Variants in XRRA1 observed in about 807,000 individuals in gnomAD.
The protein encoded by XRRA1 is X-ray radiation resistance associated 1.
Under a neutral mutation model 80.2 loss-of-function variants are expected in XRRA1, and 69 were observed. That is an observed-to-expected ratio of 0.86 (90% CI 0.71 to 1.05). XRRA1 has a LOEUF of 1.05. XRRA1 is among the 50% of genes least tolerant of loss of function. The pLI is 0.00. For missense variants in XRRA1, 967 were observed against 976.4 expected (o/e 0.99, Z 0.13); for synonymous variants, 348 against 389.9 (o/e 0.89, Z 1.27).
At chr11:74,850,234 C>T (rs983174611) in intron 14 of XRRA1, among the ~76,000 whole-genome samples, 6 of 152,158 alleles carry the variant, frequency 3.9e-5, no homozygotes, top group African/African-American at 1.2e-4. Flanking sequence ...ATAGCATACA[C>T]GTAAGAGCTC....
intron 10 of XRRA1, among the ~76,000 whole-genome samples, chr11:74,881,324 T>G (rs1362451162): frequency 6.6e-6 from 1 of 151,664 alleles, no homozygotes; most frequent in Non-Finnish European, 1.5e-5. Flanking sequence ...TGGTAGATCT[T>G]CCTCCATCCT....
At position 74,843,787 on chromosome 11, in the gene XRRA1, T is replaced by C. The variant is rs539027892; in HGVS notation, c.2149+67A>G. 68 of 1,415,748 alleles carry C rather than the reference T, an allele frequency of 4.8e-5. No individual in the cohort carries two copies. In the Middle Eastern group the frequency reaches 4.1e-3, roughly 86 times the overall value. The allele number at this position is 1,415,748 out of a possible 1,614,324, so 87.7% of individuals were successfully genotyped here. A position where few individuals can be genotyped will look rare whatever the true frequency, so the allele number is the denominator to read the frequency against. On this transcript the variant is annotated intron_variant, in intron 18 of 18. Coordinates refer to ENST00000684022, the MANE Select transcript of XRRA1 (RefSeq NM_001378157.1). ...GCCTTTCCTGCACTGACACAAGCCC[T>C]TTCTTTGCCTTTAGCCAGCAGGCGT...
intron 10 of XRRA1, among the ~76,000 whole-genome samples, chr11:74,903,295 TG>T (rs1213854791): frequency 1.3e-5 from 2 of 152,216 alleles, no homozygotes; most frequent in African/African-American, 4.8e-5. Flanking sequence ...GGTTGTTCAT[TG>T]TAGCACCATT....
intron 10 of XRRA1, among the ~76,000 whole-genome samples, chr11:74,893,359 G>A (rs565640061): frequency 1.5e-5 from 2 of 137,892 alleles, no homozygotes; most frequent in African/African-American, 5.3e-5. Context: ...TGAACAATGA[G>A]AACACATGGA....
At chr11:74,883,186 G>A (rs980154086) in intron 10 of XRRA1, among the ~76,000 whole-genome samples, 3 of 152,164 alleles carry the variant, frequency 2.0e-5, no homozygotes, top group African/African-American at 2.4e-5. Flanking sequence ...AGGACCCTCC[G>A]AGCCAGGTGC....
chr11:74,936,011 T>C (rs1944894252), intron 4 of XRRA1, among the ~76,000 whole-genome samples: 1 of 152,262 alleles, frequency 6.6e-6, no homozygotes, highest in Admixed American at 6.5e-5. Flanking sequence ...AAAAAGCTTA[T>C]ACTACCCACT....
chr11:74,894,811 T>G (rs1275873484), intron 10 of XRRA1, among the ~76,000 whole-genome samples: 1 of 152,178 alleles, frequency 6.6e-6, no homozygotes, highest in African/African-American at 2.4e-5. Flanking sequence ...AAAAATGTCA[T>G]CTATACTATT....
rs1162019227 is a variant in XRRA1, at chr11:74,900,471, A to G, written c.1003+5768T>C. ...GTGGCATATGCCTGTAATCCCAGCTACTTGGGAGGCTGAGGCAGGAGAATC... is the reference window on the plus strand; with the variant it reads ...GTGGCATATGCCTGTAATCCCAGCTGCTTGGGAGGCTGAGGCAGGAGAATC... On this transcript the variant is annotated intron_variant, in intron 10 of 18. Coordinates refer to ENST00000684022, the MANE Select transcript of XRRA1 (RefSeq NM_001378157.1). Among the ~76,000 whole-genome samples, 5 of 152,076 alleles carry G rather than the reference A, an allele frequency of 3.3e-5. No individual in the cohort carries two copies. The South Asian group carries it at 6.2e-4, about 19-fold the overall frequency.
chr11:74,942,480 C>A lies in XRRA1; in HGVS notation c.-4-1598G>T, dbSNP rs1007036169. The stretch of plus-strand genomic sequence containing the variant: ...AGATGGGTGAATATCAGGGCCAGCA[C>A]TGGGGGAAGGTGAGCAAGGTGCCTG... On this transcript the variant is annotated intron_variant, in intron 2 of 18. Transcript: ENST00000684022. Among the ~76,000 whole-genome samples, 5 of 152,180 alleles carry A rather than the reference C, an allele frequency of 3.3e-5. No individual in the cohort carries two copies. In the East Asian group the frequency reaches 5.8e-4, roughly 18 times the overall value.
At chr11:74,865,229 G>A (rs752418510) in intron 10 of XRRA1, among the ~76,000 whole-genome samples, 66 of 152,250 alleles carry the variant, frequency 4.3e-4, no homozygotes, top group Middle Eastern at 6.8e-3. Context: ...GGAGACACAT[G>A]CCCCTCTGAG....
At position 74,841,527 on chromosome 11, in the gene XRRA1, T is replaced by C. The variant is rs1423794359; in HGVS notation, c.*1673A>G. ...TGTTCTATGTATTATCAGTATTTTT[T>C]TCCTCTTAAGAAAAAAATTTACTCT... On this transcript the variant is annotated 3_prime_UTR_variant, in exon 19 of 19. Coordinates refer to ENST00000684022, the MANE Select transcript of XRRA1 (RefSeq NM_001378157.1). 1 of 152,194 alleles carries C rather than the reference T, an allele frequency of 6.6e-6. No homozygotes were observed. The highest frequency in any genetic ancestry group is 2.4e-5 in the African/African-American group (1 of 41,442). 9.4% of individuals were successfully genotyped at this position (152,194 alleles called of 1,614,324 possible).
intron 10 of XRRA1, among the ~76,000 whole-genome samples, chr11:74,899,751 A>G (rs1462530208): frequency 6.6e-6 from 1 of 152,214 alleles, no homozygotes; most frequent in Non-Finnish European, 1.5e-5. Context: ...ACGTGATTGA[A>G]ACCATAATAA....
intron 7 of XRRA1, among the ~76,000 whole-genome samples, chr11:74,922,143 G>C (rs1302620570): frequency 6.6e-6 from 1 of 151,164 alleles, no homozygotes; most frequent in East Asian, 2.0e-4. Flanking sequence ...TGTAGTGCCA[G>C]CTACTCAGGA....
intron 10 of XRRA1, among the ~76,000 whole-genome samples, chr11:74,898,210 G>A (rs992193291): frequency 2.0e-5 from 3 of 151,646 alleles, no homozygotes; most frequent in Non-Finnish European, 4.4e-5. Context: ...AAAATAACGG[G>A]TTATAAGATA....
chr11:74,865,910 T>C (rs1255245403), intron 10 of XRRA1, among the ~76,000 whole-genome samples: 1 of 152,168 alleles, frequency 6.6e-6, no homozygotes, highest in Non-Finnish European at 1.5e-5. Flanking sequence ...TTGCAAGACT[T>C]GCAGCAAGCC....
chr11:74,945,963 A>T (rs1947436222), intron 1 of XRRA1, among the ~76,000 whole-genome samples: 1 of 150,464 alleles, frequency 6.6e-6, no homozygotes, highest in Admixed American at 6.6e-5. Flanking sequence ...TTTTTTATTT[A>T]TTTTTTCTTT....
At chr11:74,914,804 C>G (rs1938008019) in intron 8 of XRRA1, among the ~76,000 whole-genome samples, 1 of 151,558 alleles carries the variant, frequency 6.6e-6, no homozygotes, top group Admixed American at 6.6e-5. Flanking sequence ...ATCATGCAAC[C>G]TGAGCCACTC....
intron 10 of XRRA1, among the ~76,000 whole-genome samples, chr11:74,867,228 A>C (rs991164552): frequency 2.6e-5 from 4 of 152,228 alleles, no homozygotes; most frequent in African/African-American, 7.2e-5. Flanking sequence ...AATGGTTCTT[A>C]AACAGGTTGA....
intron 12 of XRRA1, among the ~76,000 whole-genome samples, chr11:74,855,302 A>G (rs1023778073): frequency 6.6e-6 from 1 of 152,266 alleles, no homozygotes; most frequent in Non-Finnish European, 1.5e-5. Flanking sequence ...CAATCACTAA[A>G]GAATGGGAGA....
Sources: gnomAD v4.1 joint callset for allele counts (sites outside exome capture counted in the v4.1 genomes callset) on GRCh38, gnomAD v4.1.1 for gene constraint, MANE v1.5 for transcripts, NCBI Gene and HGNC (gene_info 2026-07-23, HGNC 2026-07-21) for gene names.